GALNT13: variants seen among roughly 807,000 people sequenced by gnomAD.
GALNT13 encodes polypeptide N-acetylgalactosaminyltransferase 13.
A neutral mutation model predicts 64.2 loss-of-function variants in GALNT13; 28 were observed. That is an observed-to-expected ratio of 0.44 (90% confidence interval 0.32 to 0.60). The LOEUF (loss-of-function observed/expected upper bound fraction) is 0.60. Ranked by LOEUF, GALNT13 falls within the 20% of genes least tolerant of loss-of-function variation. The pLI, the probability that GALNT13 is intolerant of heterozygous loss-of-function variation, is 0.05. For synonymous variants in GALNT13, 214 were observed against 224.6 expected (o/e 0.95, Z 0.42); for missense variants, 577 against 669.8 (o/e 0.86, Z 1.53).
At chr2:154,281,938 A>G (rs1691984368) in intron 8 of GALNT13, among the ~76,000 whole-genome samples, 1 of 152,096 alleles carries the variant, frequency 6.6e-6, no homozygotes, top group Non-Finnish European at 1.5e-5. Flanking sequence ...TCAATTTGCT[A>G]ATTCCTTTAG....
At chr2:154,027,218 A>C (rs181631924) in intron 3 of GALNT13, among the ~76,000 whole-genome samples, 1 of 151,946 alleles carries the variant, frequency 6.6e-6, no homozygotes, top group African/African-American at 2.4e-5. Flanking sequence ...CTCATTCCTC[A>C]CCTCTTCCTT....
At chr2:153,235,390 A>G in the GALNT13 span, among the ~76,000 whole-genome samples, 1 of 152,106 alleles carries the variant, frequency 6.6e-6, no homozygotes, top group African/African-American at 2.4e-5. Flanking sequence ...GACAGCACCA[A>G]CTGACACTTG....
At chr2:153,286,726 A>G in the GALNT13 span, among the ~76,000 whole-genome samples, 3 of 152,204 alleles carry the variant, frequency 2.0e-5, no homozygotes, top group Admixed American at 2.0e-4. Context: ...TAAATTGTAT[A>G]TCATTACACC....
the GALNT13 span, among the ~76,000 whole-genome samples, chr2:153,707,548 T>G: frequency 1.3e-5 from 2 of 152,152 alleles, no homozygotes; most frequent in Non-Finnish European, 2.9e-5. Context: ...AGCACAGTAG[T>G]TCAATGTATG....
At chr2:153,294,212 G>T in the GALNT13 span, among the ~76,000 whole-genome samples, 3 of 152,046 alleles carry the variant, frequency 2.0e-5, no homozygotes, top group African/African-American at 7.2e-5. Context: ...GAGTTTGGGT[G>T]CAGGCAGGTG....
At chr2:154,375,092 A>G (rs1395142798) in intron 9 of GALNT13, among the ~76,000 whole-genome samples, 5 of 152,096 alleles carry the variant, frequency 3.3e-5, no homozygotes, top group African/African-American at 4.8e-5. Context: ...GGTTCATGCC[A>G]TTCTCTTATC....
At chr2:154,280,197 T>C (rs1691887074) in intron 8 of GALNT13, among the ~76,000 whole-genome samples, 1 of 152,124 alleles carries the variant, frequency 6.6e-6, no homozygotes, top group South Asian at 2.1e-4. Flanking sequence ...TGAGAGACTG[T>C]TTATTTATTT....
intron 9 of GALNT13, among the ~76,000 whole-genome samples, chr2:154,313,217 A>G (rs1260891279): frequency 6.7e-6 from 1 of 149,446 alleles, no homozygotes; most frequent in African/African-American, 2.5e-5. Context: ...GTATACATAC[A>G]CACACACTAT....
chr2:153,977,881 C>T (rs1441111616), intron 3 of GALNT13, among the ~76,000 whole-genome samples: 3 of 152,044 alleles, frequency 2.0e-5, no homozygotes, highest in South Asian at 2.1e-4. Context: ...ATATCCACTA[C>T]CTATTGAAGT....
In GALNT13 at chr2:154,351,682, C is replaced by CAAAAAAAAAAAAAAAAA. The variant is rs567606376; in HGVS notation, c.1157-44287_1157-44271dup. Among the ~76,000 whole-genome samples the CAAAAAAAAAAAAAAAAA allele has an allele frequency of 1.1e-4, 5 of 44,684 alleles. 1 individual carries two copies. The highest frequency in any genetic ancestry group is 1.9e-4 in the Non-Finnish European group (5 of 26,654). The allele number at this position is 44,684 out of a possible 152,430, so 29.3% of individuals were successfully genotyped here. On this transcript the variant is annotated intron_variant, in intron 9 of 12. Coordinates refer to ENST00000392825, the MANE Select transcript of GALNT13 (RefSeq NM_052917.4). Reference sequence around the variant, plus strand: ...TGGGCGACAAAGCGAGACTCCGTCTCAAAAAAAAAAAAAAAAAAAAAAAAA... The same window carrying CAAAAAAAAAAAAAAAAA: ...TGGGCGACAAAGCGAGACTCCGTCTCAAAAAAAAAAAAAAAAAAAAAAAAAAAAAAAAAAAAAAAAAA...
intron 12 of GALNT13, among the ~76,000 whole-genome samples, chr2:154,443,035 T>C (rs1246828386): frequency 6.6e-6 from 1 of 152,064 alleles, no homozygotes. Context: ...TTTATTTACC[T>C]TTATTAGAGA....
intron 3 of GALNT13, among the ~76,000 whole-genome samples, chr2:153,966,123 G>T (rs1470898755): frequency 6.6e-6 from 1 of 150,986 alleles, no homozygotes; most frequent in East Asian, 1.9e-4. Context: ...TCTAAGAAGG[G>T]TTGATGTTGA....
At chr2:154,329,665 G>A (rs1184752387) in intron 9 of GALNT13, among the ~76,000 whole-genome samples, 1 of 152,190 alleles carries the variant, frequency 6.6e-6, no homozygotes, top group East Asian at 1.9e-4. Flanking sequence ...GTTGGAGGTA[G>A]AGCCTAATGG....
At chr2:153,108,467 C>T in the GALNT13 span, among the ~76,000 whole-genome samples, 1 of 152,032 alleles carries the variant, frequency 6.6e-6, no homozygotes, top group Non-Finnish European at 1.5e-5. Flanking sequence ...TTTCTCAAAG[C>T]AAAACAAATA....
the GALNT13 span, among the ~76,000 whole-genome samples, chr2:153,501,331 GTTTTTA>G: frequency 1.3e-5 from 2 of 151,202 alleles, no homozygotes; most frequent in African/African-American, 4.9e-5. Flanking sequence ...GGTTTTTTTT[GTTTTTA>G]TTTTTATTTT....
At chr2:153,301,623 A>G in the GALNT13 span, among the ~76,000 whole-genome samples, 2 of 152,152 alleles carry the variant, frequency 1.3e-5, no homozygotes, top group Non-Finnish European at 2.9e-5. Flanking sequence ...ATGGTGTTGA[A>G]CAGTAGATCT....
At chr2:153,714,119 G>A in the GALNT13 span, among the ~76,000 whole-genome samples, 1 of 152,106 alleles carries the variant, frequency 6.6e-6, no homozygotes, top group Non-Finnish European at 1.5e-5. Context: ...CCTATATCAC[G>A]GTGAGTTCTT....
At chr2:153,663,375 A>T in the GALNT13 span, among the ~76,000 whole-genome samples, 1 of 152,232 alleles carries the variant, frequency 6.6e-6, no homozygotes, top group Non-Finnish European at 1.5e-5. Context: ...GAGGAGGCCA[A>T]TGTTGAAAGA....
At chr2:153,327,106 T>A in the GALNT13 span, among the ~76,000 whole-genome samples, 1 of 150,934 alleles carries the variant, frequency 6.6e-6, no homozygotes, top group East Asian at 2.3e-4. Context: ...AAAAAATAAA[T>A]AAATAAAAGT....
Sources: allele counts gnomAD v4.1 joint callset (sites outside exome capture counted in the v4.1 genomes callset), GRCh38; gene constraint gnomAD v4.1.1; transcripts MANE v1.5; gene names NCBI Gene and HGNC (gene_info 2026-07-23, HGNC 2026-07-21).